The following LINGO2 variants were observed in gnomAD, a reference collection of about 807,000 sequenced individuals.
The protein encoded by LINGO2 is leucine-rich repeat and immunoglobulin-like domain-containing nogo receptor-interacting protein 2.
LINGO2 carries 14 observed loss-of-function variants against 30.6 expected under a neutral mutation model. The observed-to-expected ratio is 0.46, with a 90% CI of 0.30 to 0.72. LINGO2 has a LOEUF of 0.72. Ranked by LOEUF, LINGO2 falls within the 30% of genes least tolerant of loss-of-function variation. The probability of loss-of-function intolerance (pLI) is 0.07; values close to 1 mark genes in which losing one functional copy is unlikely to be tolerated. For synonymous variants in LINGO2, 317 were observed against 288.5 expected (o/e 1.10, Z -1.00); for missense variants, 729 against 751.7 (o/e 0.97, Z 0.35).
the LINGO2 span, among the ~76,000 whole-genome samples, chr9:28,993,048 A>G: frequency 5.8e-3 from 885 of 152,212 alleles, 8 homozygotes; most frequent in African/African-American, 0.021. Context: ...GACACAAAAA[A>G]CCCTTCAAAA....
chr9:28,232,021 A>G (rs2133938863), intron 4 of LINGO2, among the ~76,000 whole-genome samples: 1 of 152,268 alleles, frequency 6.6e-6, no homozygotes, highest in Non-Finnish European at 1.5e-5. Context: ...TCACAAGTTC[A>G]AACCCCATGC....
chr9:28,105,966 G>T (rs886094818), intron 4 of LINGO2, among the ~76,000 whole-genome samples: 3 of 152,090 alleles, frequency 2.0e-5, no homozygotes, highest in Admixed American at 2.0e-4. Context: ...CTGCACAGTA[G>T]GAAGTGAGGG....
intron 4 of LINGO2, among the ~76,000 whole-genome samples, chr9:28,140,016 G>A (rs1310465870): frequency 1.3e-5 from 2 of 152,156 alleles, no homozygotes; most frequent in Non-Finnish European, 2.9e-5. Context: ...AGAATGATGT[G>A]CATACAGACA....
At chr9:29,132,118 G>C in the LINGO2 span, among the ~76,000 whole-genome samples, 2 of 151,866 alleles carry the variant, frequency 1.3e-5, no homozygotes, top group African/African-American at 4.8e-5. Flanking sequence ...CCAATAGGTA[G>C]GGAGTGTGCC....
chr9:28,546,210 A>G (rs1464180307), intron 1 of LINGO2, among the ~76,000 whole-genome samples: 1 of 152,082 alleles, frequency 6.6e-6, no homozygotes, highest in African/African-American at 2.4e-5. Flanking sequence ...TTGGTAGTGT[A>G]GGGGTAGACA....
intron 2 of LINGO2, among the ~76,000 whole-genome samples, chr9:28,458,614 T>C (rs1282794526): frequency 2.0e-5 from 3 of 152,138 alleles, no homozygotes; most frequent in African/African-American, 7.2e-5. Context: ...GAAACTGAAG[T>C]TCCCCTTCCA....
the LINGO2 span, among the ~76,000 whole-genome samples, chr9:28,736,447 A>G: frequency 1.3e-5 from 2 of 152,150 alleles, no homozygotes; most frequent in Non-Finnish European, 1.5e-5. Flanking sequence ...CTTAGCTTCG[A>G]CTTCTTCATT....
chr9:28,892,891 G>T, the LINGO2 span, among the ~76,000 whole-genome samples: 1 of 151,906 alleles, frequency 6.6e-6, no homozygotes, highest in African/African-American at 2.4e-5. Flanking sequence ...GATTTCTGTT[G>T]AAGTATTTAA....
intron 4 of LINGO2, among the ~76,000 whole-genome samples, chr9:28,033,961 C>T (rs1823807511): frequency 6.6e-6 from 1 of 152,178 alleles, no homozygotes; most frequent in African/African-American, 2.4e-5. Context: ...TTCAATATCA[C>T]CTTCTCTAAG....
At chr9:29,006,346 T>C in the LINGO2 span, among the ~76,000 whole-genome samples, 3 of 151,974 alleles carry the variant, frequency 2.0e-5, no homozygotes, top group African/African-American at 7.2e-5. Context: ...ATTATCAATA[T>C]ACATAAATTC....
At chr9:28,610,234 C>T (rs1481963544) in intron 1 of LINGO2, among the ~76,000 whole-genome samples, 2 of 152,064 alleles carry the variant, frequency 1.3e-5, no homozygotes, top group Non-Finnish European at 2.9e-5. Flanking sequence ...TTTACCTACA[C>T]TTTTAAAATA....
chr9:27,993,779 A>G (rs1254977537), intron 5 of LINGO2, among the ~76,000 whole-genome samples: 1 of 152,138 alleles, frequency 6.6e-6, no homozygotes, highest in Non-Finnish European at 1.5e-5. Flanking sequence ...AGTACCTAGT[A>G]AATGGCTGCA....
the LINGO2 span, among the ~76,000 whole-genome samples, chr9:28,758,890 T>C: frequency 1.4e-4 from 21 of 152,098 alleles, no homozygotes; most frequent in Non-Finnish European, 2.8e-4. Flanking sequence ...CTTAAATGTT[T>C]ATGGAGATTA....
the LINGO2 span, among the ~76,000 whole-genome samples, chr9:28,850,824 T>A: frequency 0.024 from 3,663 of 152,058 alleles, 120 homozygotes; most frequent in South Asian, 0.16. Flanking sequence ...TCTCTGGTTG[T>A]GAGAAGAGAG....
At chr9:28,677,147 G>A in the LINGO2 span, among the ~76,000 whole-genome samples, 2 of 152,062 alleles carry the variant, frequency 1.3e-5, no homozygotes, top group African/African-American at 4.8e-5. Flanking sequence ...AAAAAGTTGT[G>A]GCACAGAGGG....
In LINGO2 at chr9:28,342,730, T is replaced by A. The variant is rs573626937; in HGVS notation, c.-246+30106A>T. On this transcript the variant is annotated intron_variant, in intron 3 of 5. Coordinates refer to ENST00000379992, the Ensembl canonical transcript of LINGO2. ...CCTAGAGGAGTAAAAAACTTACAAA[T>A]GTAGTTTAAACATAATTTAATATTA... 6.6e-5 allele frequency among the ~76,000 whole-genome samples: 10 copies of A among 152,242 alleles called. No homozygotes were observed. In the East Asian group the frequency reaches 1.9e-3, roughly 29 times the overall value.
intron 4 of LINGO2, among the ~76,000 whole-genome samples, chr9:28,021,003 C>G (rs1305198581): frequency 6.7e-6 from 1 of 150,368 alleles, no homozygotes; most frequent in African/African-American, 2.5e-5. Flanking sequence ...GGTTTCATTT[C>G]TTTTCTTTGT....
At chr9:28,637,681 G>A (rs1827350271) in intron 1 of LINGO2, among the ~76,000 whole-genome samples, 1 of 152,128 alleles carries the variant, frequency 6.6e-6, no homozygotes, top group Admixed American at 6.6e-5. Context: ...TGAATCCTGA[G>A]ACTTTGCTGA....
the LINGO2 span, among the ~76,000 whole-genome samples, chr9:29,020,594 T>C: frequency 3.9e-5 from 6 of 151,986 alleles, no homozygotes; most frequent in African/African-American, 1.4e-4. Flanking sequence ...CCAAGCTCAA[T>C]GTGGAAGCAG....
Sources: allele counts gnomAD v4.1 joint callset (sites outside exome capture counted in the v4.1 genomes callset), GRCh38; gene constraint gnomAD v4.1.1; transcripts MANE v1.5; gene names NCBI Gene and HGNC (gene_info 2026-07-23, HGNC 2026-07-21).